Variants in KDELR2 observed in about 807,000 individuals in gnomAD.
KDELR2 encodes KDEL endoplasmic reticulum protein retention receptor 2, also known as ER lumen protein-retaining receptor 2.
KDELR2 carries 15 observed loss-of-function variants against 23.9 expected under a neutral mutation model. That is an observed-to-expected ratio of 0.63 (90% confidence interval 0.42 to 0.97). The LOEUF is 0.97. Ranked by LOEUF, KDELR2 falls within the 50% of genes least tolerant of loss-of-function variation. The pLI, the probability that KDELR2 is intolerant of heterozygous loss-of-function variation, is 0.00. For synonymous variants in KDELR2, 119 were observed against 106.2 expected, an observed-to-expected ratio of 1.12 and a Z score of -0.74; for missense variants, 272 against 254.6, an observed-to-expected ratio of 1.07 and a Z score of -0.46.
chr7:6,469,863 G>A, intron 2 of KDELR2, 109 bp from the exon 3 acceptor site: 2 of 971,744 alleles, frequency 2.1e-6, no homozygotes, highest in East Asian at 5.7e-5. Flanking sequence ...TTTTTCCTTA[G>A]CTTTGTTTTT....
Position 6,472,566 on chromosome 7 carries a change from C to G in KDELR2, c.192+1618G>C, listed in dbSNP as rs558230202. 2.6e-5 allele frequency among the ~76,000 whole-genome samples: 4 copies of G among 152,220 alleles called. No individual in the cohort carries two copies. In the East Asian group the frequency reaches 7.7e-4, roughly 29 times the overall value. ...GGGGACCTAACCATTTTTAAGTAAG[C>G]TCATTATTTCCTGAATACTAGGTTC... is the stretch of plus-strand genomic sequence containing the variant. On this transcript the variant is annotated intron_variant, in intron 2 of 4. Coordinates refer to ENST00000258739, the MANE Select transcript of KDELR2 (RefSeq NM_006854.4).
At chr7:6,470,974 G>A (rs949360199) in intron 2 of KDELR2, among the ~76,000 whole-genome samples, 12 of 151,320 alleles carry the variant, frequency 7.9e-5, no homozygotes, top group African/African-American at 1.2e-4. Context: ...AAAATTAGCC[G>A]GGCGTGGTGG....
At chr7:6,482,627 A>G (rs1249826615) in intron 1 of KDELR2, 1 of 463,070 alleles carries the variant, frequency 2.2e-6, no homozygotes, top group Admixed American at 2.4e-5. Flanking sequence ...GTGTGACTTT[A>G]GACGCCAAAA....
chr7:6,470,763 G>A (rs1359745403), intron 2 of KDELR2, among the ~76,000 whole-genome samples: 11 of 152,102 alleles, frequency 7.2e-5, no homozygotes, highest in African/African-American at 9.6e-5. Context: ...CATCATGCAC[G>A]GATTCACCAA....
chr7:6,470,449 A>G (rs951543857), intron 2 of KDELR2: 4 of 152,218 alleles, frequency 2.6e-5, no homozygotes, highest in African/African-American at 9.7e-5. Flanking sequence ...ATGGCATCCT[A>G]TGCAGTTGGG....
chr7:6,482,108 T>G (rs532527154), intron 1 of KDELR2, among the ~76,000 whole-genome samples: 5 of 152,230 alleles, frequency 3.3e-5, no homozygotes, highest in Non-Finnish European at 7.4e-5. Context: ...GTTCAAGCAA[T>G]TCTCCTGCCT....
intron 4 of KDELR2, among the ~76,000 whole-genome samples, chr7:6,463,535 A>G (rs1260631027): frequency 6.6e-6 from 1 of 152,030 alleles, no homozygotes; most frequent in Non-Finnish European, 1.5e-5. Context: ...GTTCAAGACC[A>G]GCCTGGGCAA....
chr7:6,482,173 T>C (rs1266318652), intron 1 of KDELR2, among the ~76,000 whole-genome samples: 8 of 152,092 alleles, frequency 5.3e-5, no homozygotes, highest in Admixed American at 2.0e-4. Flanking sequence ...CGGCTAATTT[T>C]GTATTTTTAG....
chr7:6,474,431 G>A, intron 1 of KDELR2, 147 bp from the exon 2 acceptor site: 1 of 596,922 alleles, frequency 1.7e-6, no homozygotes, highest in Admixed American at 2.9e-5. Flanking sequence ...AACAAGAGCA[G>A]TTGTAGTTTT....
In KDELR2 at chr7:6,484,084, C is replaced by A. The variant is rs1273904268; in HGVS notation, c.-27G>T. On this transcript the variant is annotated 5_prime_UTR_variant, in exon 1 of 5. Transcript: ENST00000258739. The stretch of plus-strand genomic sequence containing the variant: ...GCGGCGGCGGCGGTGGCGGTCGGCG[C>A]AGCGCGGCGGCCCCGGGGCTGGGCG... The A allele has an allele frequency of 2.1e-6, 3 of 1,439,268 alleles. No individual in the cohort carries two copies. The highest frequency in any genetic ancestry group is 5.0e-5 in the Admixed American group (2 of 39,762). The allele number at this position is 1,439,268 out of a possible 1,614,324, so 89.2% of individuals were successfully genotyped here.
At chr7:6,464,638 G>A (rs181562236) in intron 4 of KDELR2, among the ~76,000 whole-genome samples, 1 of 152,074 alleles carries the variant, frequency 6.6e-6, no homozygotes, top group Non-Finnish European at 1.5e-5. Flanking sequence ...GTTGCAGTGA[G>A]CTGAGAGCAA....
At chr7:6,478,743 T>C (rs996328706) in intron 1 of KDELR2, among the ~76,000 whole-genome samples, 2 of 152,220 alleles carry the variant, frequency 1.3e-5, no homozygotes, top group African/African-American at 4.8e-5. Flanking sequence ...TGAACATACA[T>C]GCAGGTCATC....
intron 3 of KDELR2, among the ~76,000 whole-genome samples, chr7:6,467,769 A>T (rs902475930): frequency 6.6e-6 from 1 of 152,080 alleles, no homozygotes; most frequent in Non-Finnish European, 1.5e-5. Context: ...AAAAAAAAAG[A>T]AAAGTCCAGG....
At chr7:6,469,001 G>A (rs1785565236) in intron 3 of KDELR2, among the ~76,000 whole-genome samples, 1 of 151,018 alleles carries the variant, frequency 6.6e-6, no homozygotes, top group African/African-American at 2.4e-5. Context: ...GCCCAGGCTG[G>A]AGTGTAGTGG....
At chr7:6,483,398 G>C (rs1785950635) in intron 1 of KDELR2, among the ~76,000 whole-genome samples, 1 of 152,184 alleles carries the variant, frequency 6.6e-6, no homozygotes, top group Non-Finnish European at 1.5e-5. Context: ...CTTAAGGACA[G>C]GTCTGACCCG....
chr7:6,482,694 C>A, intron 1 of KDELR2: 1 of 314,930 alleles, frequency 3.2e-6, no homozygotes. Flanking sequence ...TCAGGATCAT[C>A]TTTTACTGCC....
In KDELR2 at chr7:6,462,763, A is replaced by AAC; in HGVS notation, c.*377_*378insGT. 1 of 488,370 alleles carries AAC rather than the reference A, an allele frequency of 2.0e-6. No homozygotes were observed. The highest frequency in any genetic ancestry group is 3.3e-5 in the South Asian group (1 of 30,288). The allele number at this position is 488,370 out of a possible 1,614,324, so 30.3% of individuals were successfully genotyped here. ...TAATCTATCAACTGTCAAGGAGTAC[A>AAC]ATTTCATTGCAGACACAAAGACTTA... On this transcript the variant is annotated 3_prime_UTR_variant, in exon 5 of 5. Coordinates refer to ENST00000258739, the MANE Select transcript of KDELR2 (RefSeq NM_006854.4).
intron 1 of KDELR2, among the ~76,000 whole-genome samples, chr7:6,476,687 AC>A (rs757021246): frequency 1.0e-3 from 156 of 152,278 alleles, no homozygotes; most frequent in Middle Eastern, 3.4e-3. Context: ...CCCCGTGGGG[AC>A]CCAGCTCATA....
intron 4 of KDELR2, among the ~76,000 whole-genome samples, chr7:6,465,190 T>A (rs898730926): frequency 2.0e-5 from 3 of 150,540 alleles, no homozygotes; most frequent in Non-Finnish European, 4.4e-5. Context: ...TCTTTTTTTT[T>A]TTTTTTTTTG....
Sources: allele counts gnomAD v4.1 joint callset (sites outside exome capture counted in the v4.1 genomes callset), GRCh38; gene constraint gnomAD v4.1.1; transcripts MANE v1.5; gene names NCBI Gene and HGNC (gene_info 2026-07-23, HGNC 2026-07-21).